The following FAM149A variants were observed in gnomAD, a reference collection of about 807,000 sequenced individuals.
FAM149A encodes the protein family with sequence similarity 149 member A.
Under a neutral mutation model 78.2 loss-of-function variants are expected in FAM149A, and 71 were observed. The ratio of observed to expected loss-of-function variants is 0.91; its 90% CI spans 0.75 to 1.11. FAM149A has a LOEUF of 1.11. FAM149A is among the 50% of genes least tolerant of loss of function. FAM149A has a pLI of 0.00. For missense variants in FAM149A, 1,036 were observed against 971.0 expected (o/e 1.07, Z -0.89); for synonymous variants, 446 against 410.5 (o/e 1.09, Z -1.04).
rs2099308130 is a variant in FAM149A at position 186,104,844 on chromosome 4, G to A, written c.-233G>A. The A allele has an allele frequency of 5.2e-6, 3 of 572,248 alleles. No homozygotes were observed. The highest frequency in any genetic ancestry group is 7.5e-5 in the South Asian group (1 of 13,340). The allele number at this position is 572,248 out of a possible 1,614,324, so 35.4% of individuals were successfully genotyped here. ...CTCGGGGGTCTCACGGCGCTGGGAC[G>A]AGGCGGGGCTGCTCTCCGCAGCCGG... On this transcript the variant is annotated 5_prime_UTR_variant, in exon 1 of 14. Transcript: ENST00000389354.
rs1354483801 is a variant in FAM149A, at chr4:186,165,404, C to T, written c.1950C>T (p.Pro650=). The T allele has an allele frequency of 2.5e-6, 4 of 1,614,042 alleles. No individual in the cohort carries two copies. In the Admixed American group the frequency reaches 6.7e-5, roughly 27 times the overall value. ...TTCAAACGTCACGGAGCAGGTTCCC[C>T]CCGCTAGTCACGGAGACCAGGGGGC... The change falls in exon 11 of 14, where the codon CCC becomes CCT. Residue 650 remains proline (P), a synonymous_variant. Transcript: ENST00000389354.
At chr4:186,113,936 T>C (rs1419063871) in intron 1 of FAM149A, among the ~76,000 whole-genome samples, 1 of 151,906 alleles carries the variant, frequency 6.6e-6, no homozygotes, top group Non-Finnish European at 1.5e-5. Flanking sequence ...TGAGTTCAAT[T>C]CCTGGGTATC....
At chr4:186,150,640 C>T (rs1175621451) in intron 3 of FAM149A, among the ~76,000 whole-genome samples, 9 of 144,670 alleles carry the variant, frequency 6.2e-5, no homozygotes, top group East Asian at 6.1e-4. Flanking sequence ...AGGATGGTCT[C>T]GATCTCCTGA....
At chr4:186,163,712 C>A in intron 10 of FAM149A, 79 bp downstream of exon 10, 1 of 1,022,912 alleles carries the variant, frequency 9.8e-7, no homozygotes. Context: ...ATGGATCATC[C>A]TGGACAAAGC....
At position 186,164,481 on chromosome 4, in the gene FAM149A, G is replaced by A; in HGVS notation, c.1889+848G>A. ...GCTGCCAACGCTTACCTGGCACCCA[G>A]ACTTTTTCCAGATGCAGTCATAACC... is the stretch of plus-strand genomic sequence containing the variant. On this transcript the variant is annotated intron_variant, in intron 10 of 13. Coordinates refer to ENST00000389354, the MANE Select transcript of FAM149A (RefSeq NM_001367768.3). This position sits in a 1 kb window ranked among gnomAD's most constrained non-coding sequence, Gnocchi z 4.0. The A allele has an allele frequency of 2.0e-6, 2 of 985,408 alleles. No homozygotes were observed. The highest frequency in any genetic ancestry group is 2.4e-6 in the Non-Finnish European group (2 of 829,916). The allele number at this position is 985,408 out of a possible 1,614,324, so 61.0% of individuals were successfully genotyped here. A position where few individuals can be genotyped will look rare whatever the true frequency, so the allele number is the denominator to read the frequency against.
chr4:186,113,008 C>T (rs2099311952), intron 1 of FAM149A, among the ~76,000 whole-genome samples: 1 of 141,510 alleles, frequency 7.1e-6, no homozygotes, highest in African/African-American at 2.6e-5. Context: ...TAGAATTCGG[C>T]TGTGAATCCA....
chr4:186,145,728 G>A (rs1454428474), intron 1 of FAM149A, among the ~76,000 whole-genome samples: 1 of 152,178 alleles, frequency 6.6e-6, no homozygotes, highest in African/African-American at 2.4e-5. Flanking sequence ...CAACAGCCTT[G>A]CTCTATTTAA....
intron 1 of FAM149A, among the ~76,000 whole-genome samples, chr4:186,136,824 T>C (rs899838645): frequency 1.3e-5 from 2 of 152,154 alleles, no homozygotes; most frequent in Non-Finnish European, 2.9e-5. Context: ...CCTAAGAAGG[T>C]GGCTCTGCCT....
At position 186,109,194 on chromosome 4, in the gene FAM149A, A is replaced by T. The variant is rs1205599512; in HGVS notation, c.566+3552A>T. The T allele has an allele frequency of 5.1e-6, 5 of 985,174 alleles. No individual in the cohort carries two copies. The African/African-American group carries it at 7.0e-5, about 14-fold the overall frequency. The allele number at this position is 985,174 out of a possible 1,614,324, so 61.0% of individuals were successfully genotyped here. ...TGCAAATGTAAGAATTCCTAGCAAT[A>T]CGTAAGGTGGATAGATAGATAATTG... On this transcript the variant is annotated intron_variant, in intron 1 of 13. Transcript: ENST00000389354.
intron 8 of FAM149A, chr4:186,158,578 C>T (rs1202913057): frequency 1.0e-5 from 11 of 1,085,740 alleles, no homozygotes; most frequent in African/African-American, 1.7e-5. Flanking sequence ...CAGATTGCTC[C>T]AGTGCCTGCT....
chr4:186,152,105 T>C, intron 4 of FAM149A, 60 bp downstream of exon 4: 2 of 1,528,694 alleles, frequency 1.3e-6, no homozygotes, highest in Non-Finnish European at 1.8e-6. Flanking sequence ...ACCCCTGACC[T>C]GCCTCGATAC....
chr4:186,169,346 C>T, intron 13 of FAM149A: 1 of 985,428 alleles, frequency 1.0e-6, no homozygotes, highest in Non-Finnish European at 1.2e-6. Context: ...GAGAACGCGG[C>T]TCAAAGGCGT....
chr4:186,110,839 A>G (rs1412018572), intron 1 of FAM149A, among the ~76,000 whole-genome samples: 1 of 150,326 alleles, frequency 6.7e-6, no homozygotes, highest in Non-Finnish European at 1.5e-5. Context: ...ATTGTGAATA[A>G]TGCCGCAATA....
At chr4:186,127,005 T>C in intron 1 of FAM149A, 1 of 985,408 alleles carries the variant, frequency 1.0e-6, no homozygotes, top group Non-Finnish European at 1.2e-6. Context: ...AATTTTGTAA[T>C]GGTAGAGCTG....
At chr4:186,165,927 G>A (rs1734991972) in intron 11 of FAM149A, among the ~76,000 whole-genome samples, 1 of 152,232 alleles carries the variant, frequency 6.6e-6, no homozygotes, top group Admixed American at 6.5e-5. Flanking sequence ...ACTCATAGGT[G>A]TTAAATGATT....
In FAM149A at chr4:186,156,019, C is replaced by T; in HGVS notation, c.1249C>T (p.Gln417Ter). The change falls in exon 7 of 14, where the codon CAA (glutamine) becomes TAA (stop). Residue 417 changes from glutamine to a stop codon, truncating the protein, a stop_gained. Coordinates refer to ENST00000389354, the MANE Select transcript of FAM149A (RefSeq NM_001367768.3). LOFTEE classifies it high-confidence loss of function. The stretch of plus-strand genomic sequence containing the variant: ...TCTTAGTGATGATGAATGTCTTGAA[C>T]AAAAACCAGCTCAGCCCGGTAGGAA... The T allele has an allele frequency of 1.9e-6, 3 of 1,612,492 alleles. No homozygotes were observed. Among genetic ancestry groups the T allele is most frequent in the Non-Finnish European group, 2.5e-6 (3 of 1,179,496 alleles).
chr4:186,143,398 G>GGA (rs144381514), intron 1 of FAM149A, among the ~76,000 whole-genome samples: 127,069 of 150,682 alleles, frequency 0.84, 53,518 homozygotes, highest in Middle Eastern at 0.89. Context: ...TGATAGATAT[G>GGA]TATACACATA....
intron 1 of FAM149A, chr4:186,125,832 C>T (rs572513453): frequency 9.1e-6 from 9 of 985,364 alleles, no homozygotes; most frequent in East Asian, 2.3e-4. Flanking sequence ...AAAAGAAATA[C>T]GAGGTAGGGA....
At chr4:186,110,802 C>T (rs1164495015) in intron 1 of FAM149A, among the ~76,000 whole-genome samples, 1 of 149,726 alleles carries the variant, frequency 6.7e-6, no homozygotes, top group African/African-American at 2.5e-5. Context: ...CATTGTTGGA[C>T]ATTTGGGTTG....
Sources: gnomAD v4.1 joint callset for allele counts (sites outside exome capture counted in the v4.1 genomes callset) on GRCh38, gnomAD v4.1.1 for gene constraint, Gnocchi (gnomAD v3.1) non-coding constraint, MANE v1.5 for transcripts, NCBI Gene and HGNC (gene_info 2026-07-23, HGNC 2026-07-21) for gene names.